Variants in SAMD5 observed in about 807,000 individuals in gnomAD.
SAMD5 encodes the protein sterile alpha motif domain-containing protein 5.
Under a neutral mutation model 11.3 loss-of-function variants are expected in SAMD5, and 13 were observed. The observed-to-expected ratio is 1.15, with a 90% CI of 0.75 to 1.83. The LOEUF (loss-of-function observed/expected upper bound fraction) is 1.83, where lower values mean the gene tolerates loss of function less well. Ranked by LOEUF, SAMD5 falls within the 40% of genes most tolerant of loss-of-function variation. The pLI is 0.00. For missense variants in SAMD5, 255 were observed against 239.1 expected (o/e 1.07, Z -0.44); for synonymous variants, 129 against 111.3 (o/e 1.16, Z -1.00).
chr6:147,549,299 C>T (rs1392202913), intron 1 of SAMD5, among the ~76,000 whole-genome samples: 1 of 152,172 alleles, frequency 6.6e-6, no homozygotes, highest in Non-Finnish European at 1.5e-5. Flanking sequence ...CACATAGGTG[C>T]ACCCTAGCAG....
chr6:147,725,851 AATG>A (rs1377812935), intron 1 of SAMD5, among the ~76,000 whole-genome samples: 9 of 152,294 alleles, frequency 5.9e-5, no homozygotes, highest in African/African-American at 2.2e-4. Context: ...CAAAAGGAGA[AATG>A]ATGGGAGAGA....
At chr6:147,560,393 C>G (rs1788929100) in intron 1 of SAMD5, among the ~76,000 whole-genome samples, 1 of 152,210 alleles carries the variant, frequency 6.6e-6, no homozygotes. Flanking sequence ...TGGAAAGCAA[C>G]ACTCCTACTG....
the SAMD5 span, among the ~76,000 whole-genome samples, chr6:147,753,393 A>G: frequency 6.6e-6 from 1 of 152,102 alleles, no homozygotes; most frequent in Non-Finnish European, 1.5e-5. Context: ...ATTTTATTTC[A>G]CTTCATTCTC....
At chr6:147,938,690 T>C in the SAMD5 span, among the ~76,000 whole-genome samples, 10 of 152,244 alleles carry the variant, frequency 6.6e-5, no homozygotes, top group African/African-American at 2.4e-4. Flanking sequence ...CAGAATATCT[T>C]TCTTTTAGTA....
the SAMD5 span, among the ~76,000 whole-genome samples, chr6:147,923,904 T>A: frequency 6.6e-6 from 1 of 152,320 alleles, no homozygotes; most frequent in South Asian, 2.1e-4. Context: ...TGCACAAGTC[T>A]TTCTTTGCTA....
At chr6:147,626,940 C>T (rs6917579) in intron 1 of SAMD5, among the ~76,000 whole-genome samples, 1 of 151,882 alleles carries the variant, frequency 6.6e-6, no homozygotes, top group Non-Finnish European at 1.5e-5. Context: ...TTCTATTCCT[C>T]TTCTTCTTCC....
In SAMD5 at chr6:147,567,552, C is replaced by T; in HGVS notation, c.*3096C>T. ...TGTAAAATGGGAAAAATAAATACCT[C>T]TATAGCTCTTAAGAGGCTTAAGAGT... On this transcript the variant is annotated 3_prime_UTR_variant, in exon 2 of 2. Transcript: ENST00000367474. 1.1e-6 allele frequency: 1 copy of T among 895,540 alleles called. No individual in the cohort carries two copies. Among genetic ancestry groups the T allele is most frequent in the Non-Finnish European group, 1.3e-6 (1 of 748,158 alleles). The allele number at this position is 895,540 out of a possible 1,614,324, so 55.5% of individuals were successfully genotyped here.
chr6:147,829,372 G>A, the SAMD5 span, among the ~76,000 whole-genome samples: 1 of 152,034 alleles, frequency 6.6e-6, no homozygotes, highest in Non-Finnish European at 1.5e-5. Context: ...TTAGAGCAGT[G>A]GTCCTCTCCT....
chr6:147,578,625 A>T (rs1789251503), intron 1 of SAMD5, among the ~76,000 whole-genome samples: 1 of 152,190 alleles, frequency 6.6e-6, no homozygotes, highest in Non-Finnish European at 1.5e-5. Flanking sequence ...GTAGACATGG[A>T]GAATGATAAA....
chr6:147,888,771 G>C, the SAMD5 span, among the ~76,000 whole-genome samples: 1 of 151,842 alleles, frequency 6.6e-6, no homozygotes, highest in South Asian at 2.1e-4. Context: ...TGTAATCCCA[G>C]CAACTCAGGA....
At position 147,568,831 on chromosome 6, in the gene SAMD5, G is replaced by A. The variant is rs1360520275; in HGVS notation, c.*4375G>A. The A allele has an allele frequency of 8.4e-6, 8 of 946,892 alleles. No individual in the cohort carries two copies. Among genetic ancestry groups the A allele is most frequent in the Non-Finnish European group, 1.0e-5 (8 of 795,008 alleles). 58.7% of individuals were successfully genotyped at this position (946,892 alleles called of 1,614,324 possible). On this transcript the variant is annotated 3_prime_UTR_variant, in exon 2 of 2. Coordinates refer to ENST00000367474, the MANE Select transcript of SAMD5 (RefSeq NM_001030060.3). ...CTTCAGCTTTACATTATTAATCTCTGAGGACATAAAATCAAATAACTTTCT... is the reference window on the plus strand; with the variant it reads ...CTTCAGCTTTACATTATTAATCTCTAAGGACATAAAATCAAATAACTTTCT...
intron 1 of SAMD5, among the ~76,000 whole-genome samples, chr6:147,706,120 G>C (rs186003242): frequency 7.2e-4 from 110 of 152,290 alleles, no homozygotes; most frequent in African/African-American, 2.4e-3. Flanking sequence ...TGTTGTGTGT[G>C]TGTGTTTCCT....
intron 1 of SAMD5, among the ~76,000 whole-genome samples, chr6:147,577,422 A>G (rs844626): frequency 0.064 from 9,808 of 152,266 alleles, 399 homozygotes; most frequent in African/African-American, 0.12. Context: ...TTGGAGAAAC[A>G]TTACAATAAT....
the SAMD5 span, among the ~76,000 whole-genome samples, chr6:147,808,385 G>GT: frequency 1.3e-5 from 2 of 152,014 alleles, no homozygotes; most frequent in Non-Finnish European, 2.9e-5. Context: ...GTTATTTTTT[G>GT]TAGAGATAGA....
intron 1 of SAMD5, among the ~76,000 whole-genome samples, chr6:147,644,480 T>C (rs1409237860): frequency 6.6e-6 from 1 of 152,250 alleles, no homozygotes; most frequent in Non-Finnish European, 1.5e-5. Context: ...TGATCTAATG[T>C]GCTTTTTAAT....
chr6:147,824,163 A>T, the SAMD5 span, among the ~76,000 whole-genome samples: 1 of 152,202 alleles, frequency 6.6e-6, no homozygotes, highest in African/African-American at 2.4e-5. Flanking sequence ...GTAGTCTGCC[A>T]GCTTTTAAAT....
At chr6:147,895,134 C>T in the SAMD5 span, among the ~76,000 whole-genome samples, 1 of 152,176 alleles carries the variant, frequency 6.6e-6, no homozygotes. Context: ...TTAGGAGGAG[C>T]CCAGGCCAGC....
the SAMD5 span, among the ~76,000 whole-genome samples, chr6:147,799,905 G>C: frequency 6.6e-6 from 1 of 152,068 alleles, no homozygotes; most frequent in Non-Finnish European, 1.5e-5. Flanking sequence ...CTGGAGCCTT[G>C]GTTTTCAGCT....
intron 1 of SAMD5, among the ~76,000 whole-genome samples, chr6:147,693,179 C>A (rs1194163916): frequency 6.6e-6 from 1 of 152,226 alleles, no homozygotes; most frequent in Non-Finnish European, 1.5e-5. Context: ...TGGCACCTTT[C>A]CATTTTTTAA....
Sources: gnomAD v4.1 joint callset for allele counts (sites outside exome capture counted in the v4.1 genomes callset) on GRCh38, gnomAD v4.1.1 for gene constraint, MANE v1.5 for transcripts, NCBI Gene and HGNC (gene_info 2026-07-23, HGNC 2026-07-21) for gene names.